Variants in ME2 observed in about 807,000 individuals in gnomAD.
ME2 encodes NAD-dependent malic enzyme, mitochondrial.
A neutral mutation model predicts 73.7 loss-of-function variants in ME2; 60 were observed. That is an observed-to-expected ratio of 0.81 (90% CI 0.66 to 1.01). The LOEUF is 1.01. Ranked by LOEUF, ME2 falls within the 50% of genes least tolerant of loss-of-function variation. The pLI is 0.00. For missense variants in ME2, 594 were observed against 705.5 expected (o/e 0.84, Z 1.79); for synonymous variants, 199 against 236.9 (o/e 0.84, Z 1.47).
rs375478299 is a variant in ME2 at position 50,902,403 on chromosome 18, C to T, written c.109-5660C>T. Among the ~76,000 whole-genome samples the T allele has an allele frequency of 5.9e-5, 9 of 152,218 alleles. No homozygotes were observed. The South Asian group carries it at 1.7e-3, about 28-fold the overall frequency. ...AAAAATCACATTGCTATTATTCTAT[C>T]ACCTTTTTTGGTGAGACAGAGATTT... On this transcript the variant is annotated intron_variant, in intron 2 of 15. Coordinates refer to ENST00000321341, the MANE Select transcript of ME2 (RefSeq NM_002396.5).
chr18:50,897,554 C>T (rs1426028624), intron 2 of ME2, among the ~76,000 whole-genome samples: 8 of 151,968 alleles, frequency 5.3e-5, no homozygotes, highest in African/African-American at 1.5e-4. Flanking sequence ...GGAGAAACTT[C>T]GTCTCTACTA....
At chr18:50,905,224 A>T (rs528616164) in intron 2 of ME2, among the ~76,000 whole-genome samples, 9 of 152,178 alleles carry the variant, frequency 5.9e-5, no homozygotes, top group African/African-American at 2.2e-4. Context: ...TGACCTCATG[A>T]ACCACCCACC....
intron 4 of ME2, 58 bp downstream of exon 4, chr18:50,913,008 C>A: frequency 2.2e-6 from 3 of 1,358,678 alleles, no homozygotes; most frequent in Non-Finnish European, 2.0e-6. Flanking sequence ...AAATATCATT[C>A]CATAACACCC....
intron 1 of ME2, among the ~76,000 whole-genome samples, chr18:50,891,986 G>C (rs1599087518): frequency 7.1e-6 from 1 of 140,246 alleles, no homozygotes; most frequent in East Asian, 2.0e-4. Flanking sequence ...TTGTGTGTGT[G>C]GGTTTTTTTT....
At chr18:50,935,038 A>G (rs1510393) in intron 13 of ME2, 4 of 152,238 alleles carry the variant, frequency 2.6e-5, no homozygotes, top group Admixed American at 2.6e-4. Flanking sequence ...CTGGACTGAA[A>G]CCCTAAAGTG....
intron 4 of ME2, chr18:50,915,779 C>T (rs1365863369): frequency 1.3e-5 from 2 of 154,210 alleles, no homozygotes; most frequent in African/African-American, 4.8e-5. Context: ...CCTGCTCCTT[C>T]AAATTTCAAA....
In ME2 at chr18:50,948,575, C is replaced by T. The variant is rs1277434682; in HGVS notation, c.*1391C>T. On this transcript the variant is annotated 3_prime_UTR_variant, in exon 16 of 16. Coordinates refer to ENST00000321341, the MANE Select transcript of ME2 (RefSeq NM_002396.5). ...TTTTTTTTTTTTTGAGACAGAGTCTCACTCTGTTACCAGGCTGGAGTGCAG... is the reference window on the plus strand; with the variant it reads ...TTTTTTTTTTTTTGAGACAGAGTCTTACTCTGTTACCAGGCTGGAGTGCAG... The T allele has an allele frequency of 7.6e-6, 1 of 130,926 alleles. No individual in the cohort carries two copies. Among genetic ancestry groups the T allele is most frequent in the African/African-American group, 2.9e-5 (1 of 34,680 alleles). The allele number at this position is 130,926 out of a possible 1,614,324, so 8.1% of individuals were successfully genotyped here. A position where few individuals can be genotyped will look rare whatever the true frequency, so the allele number is the denominator to read the frequency against.
At chr18:50,917,916 A>C (rs1413195880) in intron 6 of ME2, among the ~76,000 whole-genome samples, 194 bp from the exon 7 acceptor site, 2 of 151,998 alleles carry the variant, frequency 1.3e-5, no homozygotes, top group Non-Finnish European at 2.9e-5. Flanking sequence ...GGTTGCAGTG[A>C]GCCGAGATCA....
At chr18:50,935,883 T>C (rs1389794746) in intron 13 of ME2, 4 of 133,402 alleles carry the variant, frequency 3.0e-5, no homozygotes, top group Non-Finnish European at 6.4e-5. Flanking sequence ...GAAAAAAAAA[T>C]AGGTAAGGGA....
intron 1 of ME2, among the ~76,000 whole-genome samples, chr18:50,895,094 T>G (rs1916705401): frequency 6.6e-6 from 1 of 151,994 alleles, no homozygotes; most frequent in Non-Finnish European, 1.5e-5. Context: ...AAGAAATAAA[T>G]AAGCATTTCA....
chr18:50,898,784 A>G (rs1229914937), intron 2 of ME2, among the ~76,000 whole-genome samples: 1 of 152,230 alleles, frequency 6.6e-6, no homozygotes, highest in Non-Finnish European at 1.5e-5. Flanking sequence ...GGTTATAAGC[A>G]GGAGTTTAGG....
intron 15 of ME2, among the ~76,000 whole-genome samples, chr18:50,941,353 CTTTTTTTTTTTTTTTT>C (rs57428974): frequency 3.1e-5 from 2 of 63,848 alleles, no homozygotes; most frequent in African/African-American, 8.0e-5. Flanking sequence ...GTGATGGTTT[CTTTTTTTTTTTTTTTT>C]TTTTTTTTTT....
intron 2 of ME2, among the ~76,000 whole-genome samples, chr18:50,906,103 G>A (rs937082733): frequency 5.9e-5 from 9 of 151,880 alleles, no homozygotes; most frequent in Admixed American, 5.3e-4. Flanking sequence ...TTTAGACATG[G>A]TGTCTTTTAA....
At chr18:50,886,470 C>T (rs1916474066) in intron 1 of ME2, among the ~76,000 whole-genome samples, 1 of 152,012 alleles carries the variant, frequency 6.6e-6, no homozygotes, top group African/African-American at 2.4e-5. Context: ...TCTTGAACTC[C>T]TGACCTCAAG....
chr18:50,913,860 T>TATACACACACACACACAC (rs112137080), intron 4 of ME2, among the ~76,000 whole-genome samples: 10,680 of 143,064 alleles, frequency 0.075, 501 homozygotes, highest in South Asian at 0.092. Flanking sequence ...AGCAATATTA[T>TATACACACACACACACAC]ACACACACAC....
intron 2 of ME2, among the ~76,000 whole-genome samples, chr18:50,898,044 G>A (rs1200777421): frequency 6.6e-6 from 1 of 152,068 alleles, no homozygotes; most frequent in Non-Finnish European, 1.5e-5. Context: ...CAATTCATGG[G>A]TTATAGACTC....
intron 4 of ME2, among the ~76,000 whole-genome samples, chr18:50,914,092 C>G (rs943493589): frequency 2.6e-5 from 4 of 152,096 alleles, no homozygotes; most frequent in Non-Finnish European, 5.9e-5. Flanking sequence ...ATGTTGATCT[C>G]TGCCAACTTT....
At chr18:50,907,278 A>C (rs1031419029) in intron 2 of ME2, among the ~76,000 whole-genome samples, 1 of 152,192 alleles carries the variant, frequency 6.6e-6, no homozygotes, top group Admixed American at 6.5e-5. Context: ...TGATTTTCAT[A>C]GTAATTGTGA....
Position 50,947,878 on chromosome 18 carries a change from A to G in ME2, c.*694A>G, listed in dbSNP as rs1918124411. 1 of 152,202 alleles carries G rather than the reference A, an allele frequency of 6.6e-6. No individual in the cohort carries two copies. 9.4% of individuals were successfully genotyped at this position (152,202 alleles called of 1,614,324 possible). A position where few individuals can be genotyped will look rare whatever the true frequency, so the allele number is the denominator to read the frequency against. On this transcript the variant is annotated 3_prime_UTR_variant, in exon 16 of 16. Coordinates refer to ENST00000321341, the MANE Select transcript of ME2 (RefSeq NM_002396.5). ...AGTGTAACCTTTTTATTTAATAAAT[A>G]TCTTACATTTAATTGCTTCAGTTAT...
Sources: allele counts gnomAD v4.1 joint callset (sites outside exome capture counted in the v4.1 genomes callset), GRCh38; gene constraint gnomAD v4.1.1; transcripts MANE v1.5; gene names NCBI Gene and HGNC (gene_info 2026-07-23, HGNC 2026-07-21).